Variants in NFRKB observed in about 807,000 individuals in gnomAD.
NFRKB encodes nuclear factor related to kappa-B-binding protein.
A neutral mutation model predicts 135.7 loss-of-function variants in NFRKB; 62 were observed. The observed-to-expected ratio is 0.46, with a 90% CI of 0.37 to 0.56. NFRKB has a LOEUF of 0.56. Among genes scored for constraint, NFRKB ranks in the 20% least tolerant of loss-of-function variants. The pLI, the probability that NFRKB is intolerant of heterozygous loss-of-function variation, is 0.00. For synonymous variants in NFRKB, 678 were observed against 635.6 expected, an observed-to-expected ratio of 1.07 and a Z score of -1.00; for missense variants, 1,545 against 1,662.0, an observed-to-expected ratio of 0.93 and a Z score of 1.22.
intron 6 of NFRKB, among the ~76,000 whole-genome samples, chr11:129,885,135 C>T (rs759955779): frequency 3.3e-4 from 51 of 152,302 alleles, no homozygotes; most frequent in Admixed American, 6.5e-4. Flanking sequence ...GCAAATGGGA[C>T]CAGTCAGGCC....
In NFRKB at chr11:129,883,190, A is replaced by G; in HGVS notation, c.833T>C (p.Leu278Ser). ...RKHQPDHPDL[L>S]TGDLTLNDIM... ...GTCATTGAGAGTCAGGTCCCCTGTCAAAAGGTCCGGGTGATCCTAGATGTG... is the reference window on the plus strand; with the variant it reads ...GTCATTGAGAGTCAGGTCCCCTGTCGAAAGGTCCGGGTGATCCTAGATGTG... Residue 278 changes from leucine (L) to serine (S), a missense_variant, in exon 9 of 27, where the codon TTG (leucine) becomes TCG (serine). Leu to Ser is a moderately radical substitution (Grantham distance 145, BLOSUM62 -2). This residue lies in a region of NFRKB where 678 missense variants were observed against 646.7 expected (regional missense o/e 1.05). Transcript: ENST00000682444. 6.2e-7 allele frequency: 1 copy of G among 1,614,122 alleles called. No individual in the cohort carries two copies. The highest frequency in any genetic ancestry group is 8.5e-7 in the Non-Finnish European group (1 of 1,179,998).
chr11:129,876,704 C>G lies in NFRKB; in HGVS notation c.1747+17G>C, dbSNP rs753526569. 6.2e-7 allele frequency: 1 copy of G among 1,606,374 alleles called. No individual in the cohort carries two copies. The highest frequency in any genetic ancestry group is 8.5e-7 in the Non-Finnish European group (1 of 1,175,772). ...GGTGAAGAAAGGGATCTCTGATAAT[C>G]GACACGTGCCACCTACCAAGAGACA... On this transcript the variant is annotated intron_variant, in intron 17 of 26. Transcript: ENST00000682444.
At chr11:129,867,702 C>T (rs946185461) in intron 24 of NFRKB, among the ~76,000 whole-genome samples, 1 of 152,206 alleles carries the variant, frequency 6.6e-6, no homozygotes, top group African/African-American at 2.4e-5. Context: ...CTTCACTGCT[C>T]TGGCTTTTAT....
chr11:129,864,974 C>T lies in NFRKB; in HGVS notation c.3766G>A (p.Ala1256Thr). The T allele has an allele frequency of 6.2e-7, 1 of 1,613,470 alleles. No homozygotes were observed. The highest frequency in any genetic ancestry group is 1.3e-5 in the African/African-American group (1 of 75,042). The change falls in exon 26 of 27, where the codon GCC (alanine) becomes ACC (threonine). Residue 1256 changes from alanine (A) to threonine (T), a missense_variant. Physicochemically the swap from Ala to Thr is moderately conservative, Grantham distance 58. Around this residue, in one of 3 missense-constraint regions of NFRKB, gnomAD observed 753 missense variants for 804.3 expected, o/e 0.94. Coordinates refer to ENST00000682444, the MANE Select transcript of NFRKB (RefSeq NM_001143835.2). Reference sequence around the variant, plus strand: ...TTTGCCCTGGGCCTTACCTGTGTGGCCTGACCTTGCTGCTGAAGCTGCTGC... The same window carrying T: ...TTTGCCCTGGGCCTTACCTGTGTGGTCTGACCTTGCTGCTGAAGCTGCTGC... ...QLQQLQQQGQ[A>T]TQVRIQTVPA...
intron 13 of NFRKB, among the ~76,000 whole-genome samples, chr11:129,879,563 T>A (rs1175077549): frequency 6.6e-6 from 1 of 152,194 alleles, no homozygotes; most frequent in Admixed American, 6.5e-5. Context: ...TTTTAGGAAC[T>A]ATGGAGGCAA....
chr11:129,893,226 T>C, intron 2 of NFRKB: 3 of 582,866 alleles, frequency 5.1e-6, no homozygotes, highest in Non-Finnish European at 8.4e-6. Flanking sequence ...TCCCACAATG[T>C]AATTTCTGTA....
At position 129,882,119 on chromosome 11, in the gene NFRKB, G is replaced by A. The variant is rs758584602; in HGVS notation, c.1158C>T (p.Ile386=). 2 of 1,612,498 alleles carry A rather than the reference G, an allele frequency of 1.2e-6. No homozygotes were observed. The highest frequency in any genetic ancestry group is 1.7e-6 in the Non-Finnish European group (2 of 1,179,560). ...SSSFFSLLLE[I]LLLESQASLP... ...GGCTAGCCTGACTCTCCAGCAGCAA[G>A]ATCTCTAATAGAAGAGAGAAGAAGC... The change falls in exon 11 of 27, where the codon ATC becomes ATT. Residue 386 remains isoleucine (I), a synonymous_variant. Coordinates refer to ENST00000682444, the MANE Select transcript of NFRKB (RefSeq NM_001143835.2).
At position 129,881,792 on chromosome 11, in the gene NFRKB, G is replaced by C. The variant is rs1163018830; in HGVS notation, c.1253C>G (p.Ser418Cys). 6.2e-7 allele frequency: 1 copy of C among 1,613,980 alleles called. No homozygotes were observed. The highest frequency in any genetic ancestry group is 8.5e-7 in the Non-Finnish European group (1 of 1,180,000). ...SPASSLNSWF[S>C]AAPNWAELVL... is the part of the protein sequence containing the mutation. ...CAACTCAGCCCAGTTGGGGGCCGCA[G>C]AGAACCAGCTGTTGAGGGAGCTGGC... Residue 418 changes from serine (S) to cysteine (C), a missense_variant, in exon 12 of 27, where the codon TCT becomes TGT. By Grantham distance (112) the Ser-to-Cys change is moderately radical. Coordinates refer to ENST00000682444, the MANE Select transcript of NFRKB (RefSeq NM_001143835.2).
In NFRKB at chr11:129,883,158, T is replaced by C; in HGVS notation, c.865A>G (p.Thr289Ala). Residue 289 changes from threonine to alanine, a missense_variant, in exon 9 of 27, where the codon ACT becomes GCT. Transcript: ENST00000682444. ...CCCTTCCTGCCAGCATTTACTCGAG[T>C]CATGATGTCATTGAGAGTCAGGTCC... The part of the protein sequence containing the change: ...TGDLTLNDIM[T>A]RVNAGRKGSL... 1.2e-6 allele frequency: 2 copies of C among 1,613,908 alleles called. No individual in the cohort carries two copies. The highest frequency in any genetic ancestry group is 1.7e-6 in the Non-Finnish European group (2 of 1,179,988).
intron 10 of NFRKB, 51 bp from the exon 11 acceptor site, chr11:129,882,245 T>C: frequency 6.6e-7 from 1 of 1,506,796 alleles, no homozygotes; most frequent in Non-Finnish European, 9.0e-7. Flanking sequence ...AACACATCCC[T>C]AGATTGATTC....
At chr11:129,881,415 G>A (rs759816782) in intron 13 of NFRKB, 28 bp downstream of exon 13, 1 of 1,609,712 alleles carries the variant, frequency 6.2e-7, no homozygotes, top group Non-Finnish European at 8.5e-7. Flanking sequence ...ACGAAAACCT[G>A]TTGGGGTAGG....
chr11:129,892,512 G>A (rs1650820), intron 3 of NFRKB, among the ~76,000 whole-genome samples: 117,787 of 152,130 alleles, frequency 0.77, 46,431 homozygotes, highest in African/African-American at 0.94. Context: ...TTAAACATGC[G>A]GAACGTAGCT....
intron 15 of NFRKB, 33 bp downstream of exon 15, chr11:129,878,276 G>A: frequency 6.2e-7 from 1 of 1,609,398 alleles, no homozygotes; most frequent in East Asian, 2.2e-5. Flanking sequence ...CAGTTTCCCA[G>A]GACACCACCC....
At chr11:129,871,791 GTTTC>G (rs1408506043) in intron 23 of NFRKB, among the ~76,000 whole-genome samples, 2 of 152,186 alleles carry the variant, frequency 1.3e-5, no homozygotes, top group African/African-American at 4.8e-5. Context: ...GCAGGTGGAT[GTTTC>G]TTTAAATGTA....
chr11:129,884,900 G>A lies in NFRKB; in HGVS notation c.641-54C>T, dbSNP rs774318391. 10 of 1,613,152 alleles carry A rather than the reference G, an allele frequency of 6.2e-6. No individual in the cohort carries two copies. In the South Asian group the frequency reaches 8.8e-5, roughly 14 times the overall value. ...CAACGTGGCTGTGGACTCCAATAGGGGAGATTGGGTAAGTGGCCATTTGGG... is the reference window on the plus strand; with the variant it reads ...CAACGTGGCTGTGGACTCCAATAGGAGAGATTGGGTAAGTGGCCATTTGGG... On this transcript the variant is annotated intron_variant, in intron 6 of 26. Coordinates refer to ENST00000682444, the MANE Select transcript of NFRKB (RefSeq NM_001143835.2).
chr11:129,892,994 A>C, intron 2 of NFRKB, 124 bp from the exon 3 acceptor site: 1 of 1,538,790 alleles, frequency 6.5e-7, no homozygotes, highest in Non-Finnish European at 8.7e-7. Flanking sequence ...TTGCACCCTA[A>C]TTACAGCTAA....
rs765230070 is a variant in NFRKB, at chr11:129,867,471, C to T, written c.3532-1488G>A. Among the ~76,000 whole-genome samples the T allele has an allele frequency of 3.0e-4, 45 of 152,042 alleles. 1 individual carries two copies. Among genetic ancestry groups the T allele is most frequent in the Admixed American group, 9.8e-4 (15 of 15,252 alleles). ...AGCTGGGATTACTGGTGCCCACCAC[C>T]ACGCCCGGCTAATTTTTCTATTTCT... On this transcript the variant is annotated intron_variant, in intron 24 of 26. Coordinates refer to ENST00000682444, the MANE Select transcript of NFRKB (RefSeq NM_001143835.2).
chr11:129,867,506 G>T (rs1054662895), intron 24 of NFRKB, among the ~76,000 whole-genome samples: 2 of 151,808 alleles, frequency 1.3e-5, no homozygotes, highest in Admixed American at 1.3e-4. Context: ...TGGTAGGGAC[G>T]GGGTTTCACC....
intron 13 of NFRKB, among the ~76,000 whole-genome samples, chr11:129,879,334 T>C (rs775965472): frequency 3.3e-5 from 5 of 152,216 alleles, no homozygotes; most frequent in Admixed American, 6.5e-5. Context: ...ACGCTTATTA[T>C]CTGGCCCTAC....
Sources: allele counts gnomAD v4.1 joint callset (sites outside exome capture counted in the v4.1 genomes callset), GRCh38; gene constraint gnomAD v4.1.1; regional missense constraint gnomAD v4.1.1; transcripts MANE v1.5; gene names NCBI Gene and HGNC (gene_info 2026-07-23, HGNC 2026-07-21).